IL17RE: variants seen among roughly 807,000 people sequenced by gnomAD.
The protein encoded by IL17RE is interleukin 17 receptor E, also known as interleukin-17 receptor E.
IL17RE carries 47 observed loss-of-function variants against 70.7 expected under a neutral mutation model. That is an observed-to-expected ratio of 0.67 (90% CI 0.53 to 0.85). The LOEUF (loss-of-function observed/expected upper bound fraction) is 0.85. IL17RE is among the 40% of genes least tolerant of loss of function. The probability of loss-of-function intolerance (pLI) is 0.00; values close to 1 mark genes in which losing one functional copy is unlikely to be tolerated. For synonymous variants in IL17RE, 372 were observed against 381.2 expected (o/e 0.98, Z 0.28); for missense variants, 850 against 893.9 (o/e 0.95, Z 0.63).
chr3:9,904,229 T>G, intron 3 of IL17RE, 78 bp downstream of exon 3: 1 of 1,519,264 alleles, frequency 6.6e-7, no homozygotes, highest in Non-Finnish European at 9.1e-7. Flanking sequence ...CAAGTGGGAC[T>G]TACTAGAACA....
chr3:9,915,264 G>A lies in IL17RE; in HGVS notation c.1461G>A (p.Ala487=). The A allele has an allele frequency of 7.2e-7, 1 of 1,393,128 alleles. No individual in the cohort carries two copies. The highest frequency in any genetic ancestry group is 9.3e-7 in the Non-Finnish European group (1 of 1,080,934). 86.3% of individuals were successfully genotyped at this position (1,393,128 alleles called of 1,614,324 possible). ...TCCCGCCACCAGGCCCGGGCCCAGC[G>A]CGGCCAGTGCTCCTCCTGCACGCGG... ...CRRPQSGPGP[A]RPVLLLHAAD... The change falls in exon 16 of 16, where the codon GCG becomes GCA. Residue 487 remains alanine, a synonymous_variant. Transcript: ENST00000383814. The surrounding 1 kb of genome is among the most constrained non-coding windows in gnomAD (Gnocchi z 4.9).
intron 15 of IL17RE, 27 bp downstream of exon 15, chr3:9,914,804 A>T: frequency 6.3e-7 from 1 of 1,589,584 alleles, no homozygotes; most frequent in Non-Finnish European, 8.6e-7. Flanking sequence ...TAACCTGGGA[A>T]GTCAGACCTG....
intron 8 of IL17RE, chr3:9,910,459 G>C (rs1180319226): frequency 5.5e-6 from 1 of 180,502 alleles, no homozygotes; most frequent in Non-Finnish European, 1.2e-5. Flanking sequence ...GCCAAGGTGG[G>C]TGGGTCACAA....
Position 9,915,429 on chromosome 3 carries a change from G to C in IL17RE, c.1626G>C (p.Trp542Cys), listed in dbSNP as rs1171002228. The part of the protein sequence containing the change: ...VARVGPLPWL[W>C]AARTRVAREQ... ...GCGTGGGCCCGCTGCCGTGGCTCTGGGCGGCGCGGACGCGCGTAGCGCGGG... is the reference window on the plus strand; with the variant it reads ...GCGTGGGCCCGCTGCCGTGGCTCTGCGCGGCGCGGACGCGCGTAGCGCGGG... Residue 542 changes from tryptophan to cysteine, a missense_variant, in exon 16 of 16, where the codon TGG (tryptophan) becomes TGC (cysteine). By Grantham distance (215) the Trp-to-Cys change is radical. Transcript: ENST00000383814. The surrounding 1 kb of genome is among the most constrained non-coding windows in gnomAD (Gnocchi z 4.9). 1.5e-6 allele frequency: 2 copies of C among 1,358,422 alleles called. No homozygotes were observed. The highest frequency in any genetic ancestry group is 1.9e-6 in the Non-Finnish European group (2 of 1,064,618). 84.1% of individuals were successfully genotyped at this position (1,358,422 alleles called of 1,614,324 possible).
chr3:9,911,431 C>T lies in IL17RE; in HGVS notation c.1073-12C>T, dbSNP rs769464610. 2.4e-5 allele frequency: 38 copies of T among 1,613,566 alleles called. No homozygotes were observed. Among genetic ancestry groups the T allele is most frequent in the Admixed American group, 5.0e-5 (3 of 59,984 alleles). ...CCAACTCCTATCAACACCCCCACCC[C>T]GCCCCAAACAGGGTCTCTCACATCC... On this transcript the variant is annotated splice_polypyrimidine_tract_variant and intron_variant, in intron 11 of 15. Transcript: ENST00000383814.
intron 8 of IL17RE, 93 bp from the exon 9 acceptor site, chr3:9,910,772 C>A: frequency 8.7e-7 from 1 of 1,143,998 alleles, no homozygotes; most frequent in Non-Finnish European, 1.3e-6. Context: ...GTTACTTTTA[C>A]AAACATTATC....
At position 9,914,701 on chromosome 3, in the gene IL17RE, C is replaced by G. The variant is rs2082972277; in HGVS notation, c.1371C>G (p.Leu457=). ...CPDVSYRHLG[L]LILALLALLT... ...CAGTCTCTTACAGACACCTGGGGCT[C>G]TTGATCCTGGCACTGCTGGCCCTCC... Residue 457 remains leucine, a synonymous_variant, in exon 15 of 16, where the codon CTC becomes CTG. Coordinates refer to ENST00000383814, the MANE Select transcript of IL17RE (RefSeq NM_153480.2). 6.2e-7 allele frequency: 1 copy of G among 1,614,172 alleles called. No homozygotes were observed. The highest frequency in any genetic ancestry group is 8.5e-7 in the Non-Finnish European group (1 of 1,180,016).
At position 9,903,383 on chromosome 3, in the gene IL17RE, G is replaced by A. The variant is rs766099771; in HGVS notation, c.133-14G>A. The A allele has an allele frequency of 3.1e-6, 5 of 1,613,876 alleles. No individual in the cohort carries two copies. Among genetic ancestry groups the A allele is most frequent in the Non-Finnish European group, 4.2e-6 (5 of 1,179,852 alleles). ...CTCTTTCCTTTCTTTTCCCTACTGG[G>A]CCCTGTGCCTCAGGATGACAGTTTC... On this transcript the variant is annotated splice_polypyrimidine_tract_variant and intron_variant, in intron 1 of 15. Transcript: ENST00000383814.
intron 1 of IL17RE, 76 bp downstream of exon 1, chr3:9,903,140 C>A: frequency 7.5e-7 from 1 of 1,336,976 alleles, no homozygotes; most frequent in Non-Finnish European, 1.1e-6. Context: ...CTGCCCTGTG[C>A]TACCTCCGCA....
Position 9,910,905 on chromosome 3 carries a change from C to T in IL17RE, c.843C>T (p.Tyr281=). Residue 281 remains tyrosine (Y), a synonymous_variant, in exon 9 of 16, where the codon TAC becomes TAT. Coordinates refer to ENST00000383814, the MANE Select transcript of IL17RE (RefSeq NM_153480.2). ...GGAAGTCAGTGCACTTCACTGACTA[C>T]AGCCAGCACACTCAGATGGTCATGG... ...DFWKSVHFTD[Y]SQHTQMVMAL... 4 of 1,614,192 alleles carry T rather than the reference C, an allele frequency of 2.5e-6. No individual in the cohort carries two copies. The South Asian group carries it at 3.3e-5, about 13-fold the overall frequency.
chr3:9,904,255 T>G, intron 3 of IL17RE, 104 bp downstream of exon 3: 1 of 1,347,686 alleles, frequency 7.4e-7, no homozygotes, highest in Non-Finnish European at 1.0e-6. Flanking sequence ...TTGTCTTGTT[T>G]TAACCTCAAC....
In IL17RE at chr3:9,909,238, A is replaced by G. The variant is rs548910450; in HGVS notation, c.757A>G (p.Thr253Ala). The change falls in exon 8 of 16, where the codon ACT becomes GCT. Residue 253 changes from threonine to alanine, a missense_variant. Physicochemically the swap from Thr to Ala is moderately conservative, Grantham distance 58. Transcript: ENST00000383814. ...CIEASYLQEDTVRRKKCPFQS... is the reference protein window; with the variant it reads ...CIEASYLQEDAVRRKKCPFQS... ...CCAGGCATCCTACCTGCAAGAGGAC[A>G]CTGTGAGGCGCAAAAAATGTCCCTT... 3.1e-6 allele frequency: 5 copies of G among 1,614,082 alleles called. No individual in the cohort carries two copies. In the Admixed American group the frequency reaches 6.7e-5, roughly 22 times the overall value.
chr3:9,905,728 G>A (rs1312604648), intron 3 of IL17RE, among the ~76,000 whole-genome samples: 1 of 152,156 alleles, frequency 6.6e-6, no homozygotes, highest in Non-Finnish European at 1.5e-5. Flanking sequence ...GCTGAGGCAG[G>A]AGAATCGCTT....
upstream of IL17RE, chr3:9,902,805 G>A: frequency 6.4e-7 from 1 of 1,568,178 alleles, no homozygotes; most frequent in South Asian, 1.2e-5. Flanking sequence ...TTTCGGGCAG[G>A]GCGGGGCCAG....
rs1046825522 is a variant in IL17RE at position 9,903,313 on chromosome 3, A to G, written c.133-84A>G. 30 of 1,509,414 alleles carry G rather than the reference A, an allele frequency of 2.0e-5. No individual in the cohort carries two copies. In the African/African-American group the frequency reaches 3.6e-4, roughly 18 times the overall value. 93.5% of individuals were successfully genotyped at this position (1,509,414 alleles called of 1,614,324 possible). On this transcript the variant is annotated intron_variant, in intron 1 of 15. Transcript: ENST00000383814. ...GGCTCAGAATTTGCTGATTTGAAGC[A>G]AAGACCCCAGGAATGTGCCTTATGG... is the stretch of plus-strand genomic sequence containing the variant.
chr3:9,902,963 C>A lies in IL17RE; in HGVS notation c.31C>A (p.Leu11Met). MGSSRLAALL[L>M]PLLLIVIDLS... Reference sequence around the variant, plus strand: ...GAGCTCCAGACTGGCAGCCCTGCTCCTGCCTCTCCTCCTCATAGTCATCGA... The same window carrying A: ...GAGCTCCAGACTGGCAGCCCTGCTCATGCCTCTCCTCCTCATAGTCATCGA... Residue 11 changes from leucine (L) to methionine (M), a missense_variant, in exon 1 of 16, where the codon CTG becomes ATG. Transcript: ENST00000383814. 1 of 1,614,262 alleles carries A rather than the reference C, an allele frequency of 6.2e-7. No homozygotes were observed.
chr3:9,914,589 G>C lies in IL17RE; in HGVS notation c.1338G>C (p.Leu446Phe). 1 of 1,614,008 alleles carries C rather than the reference G, an allele frequency of 6.2e-7. No homozygotes were observed. The highest frequency in any genetic ancestry group is 8.5e-7 in the Non-Finnish European group (1 of 1,179,918). ...TCCAGTTTGCCTGGAAGCACCTCTT[G>C]TGTCCGGATGGTGAGTTCTTGGGGA... is the stretch of plus-strand genomic sequence containing the variant. Reference protein sequence around the residue: ...SDVQFAWKHLLCPDVSYRHLG... With the variant: ...SDVQFAWKHLFCPDVSYRHLG... The change falls in exon 14 of 16, where the codon TTG becomes TTC. Residue 446 changes from leucine to phenylalanine, a missense_variant. Leu to Phe is a conservative substitution (Grantham distance 22). Coordinates refer to ENST00000383814, the MANE Select transcript of IL17RE (RefSeq NM_153480.2).
At chr3:9,914,879 C>A in intron 15 of IL17RE, 102 bp downstream of exon 15, 1 of 985,142 alleles carries the variant, frequency 1.0e-6, no homozygotes, top group Non-Finnish European at 1.5e-6. Context: ...TGCACCCAAT[C>A]TCTGTTACCC....
chr3:9,903,129 C>T, intron 1 of IL17RE, 65 bp downstream of exon 1: 1 of 1,425,782 alleles, frequency 7.0e-7, no homozygotes, highest in Non-Finnish European at 9.8e-7. Flanking sequence ...CACTCCCCTG[C>T]CTGCCCTGTG....
Sources: gnomAD v4.1 joint callset for allele counts (sites outside exome capture counted in the v4.1 genomes callset) on GRCh38, gnomAD v4.1.1 for gene constraint, Gnocchi (gnomAD v3.1) non-coding constraint, MANE v1.5 for transcripts, NCBI Gene and HGNC (gene_info 2026-07-23, HGNC 2026-07-21) for gene names.